NID2: variants seen among roughly 807,000 people sequenced by gnomAD.
NID2 encodes nidogen-2.
Under a neutral mutation model 145.4 loss-of-function variants are expected in NID2, and 83 were observed. That is an observed-to-expected ratio of 0.57 (90% confidence interval 0.48 to 0.69). The LOEUF (loss-of-function observed/expected upper bound fraction) is 0.69. NID2 is among the 30% of genes least tolerant of loss of function. NID2 has a pLI of 0.00. For synonymous variants in NID2, 739 were observed against 701.3 expected, an observed-to-expected ratio of 1.05 and a Z score of -0.85; for missense variants, 1,807 against 1,765.7, an observed-to-expected ratio of 1.02 and a Z score of -0.42.
rs746211590 is a variant in NID2, at chr14:52,019,104, C to G, written c.2985G>C (p.Gln995His). 7.4e-6 allele frequency: 12 copies of G among 1,613,978 alleles called. No individual in the cohort carries two copies. Among genetic ancestry groups the G allele is most frequent in the Middle Eastern group, 1.6e-4 (1 of 6,084 alleles). ...GAGGCGGGGTGGAGCCAGGTGGAGT[C>G]TGGGTACCAGGAACTTCATGACCAT... is the stretch of plus-strand genomic sequence containing the variant. ...DPDGHEVPGT[Q>H]TPPGSTPPHC... is the part of the protein sequence containing the mutation. The change falls in exon 14 of 22, where the codon CAG (glutamine) becomes CAC (histidine). Residue 995 changes from glutamine (Q) to histidine (H), a missense_variant. Gln to His is a conservative substitution (Grantham distance 24). Transcript: ENST00000216286.
intron 2 of NID2, among the ~76,000 whole-genome samples, chr14:52,062,509 T>C (rs967232585): frequency 1.3e-5 from 2 of 152,196 alleles, no homozygotes; most frequent in Non-Finnish European, 2.9e-5. Context: ...CTCAATAACT[T>C]CAGAGTTATA....
At chr14:52,049,833 G>C (rs1267332705) in intron 5 of NID2, among the ~76,000 whole-genome samples, 2 of 152,152 alleles carry the variant, frequency 1.3e-5, no homozygotes, top group African/African-American at 4.8e-5. Context: ...CTGGTGAAGG[G>C]AGAGGGGCCC....
rs192985653 is a variant in NID2, at chr14:52,059,102, C to T, written c.767+1022G>A. On this transcript the variant is annotated intron_variant, in intron 3 of 21. Coordinates refer to ENST00000216286, the MANE Select transcript of NID2 (RefSeq NM_007361.4). ...GATCATAGGCAATTTACTTAACTTC[C>T]CTAAGCTCCTCTGTAAAACTGGGAA... 6.6e-5 allele frequency among the ~76,000 whole-genome samples: 10 copies of T among 152,276 alleles called. No homozygotes were observed. The East Asian group carries it at 1.7e-3, about 26-fold the overall frequency.
chr14:52,007,598 C>T, intron 19 of NID2: 1 of 554,828 alleles, frequency 1.8e-6, no homozygotes, highest in Non-Finnish European at 3.2e-6. Context: ...GCAGTACAAA[C>T]TTACTGCTTG....
intron 5 of NID2, among the ~76,000 whole-genome samples, chr14:52,044,547 G>A (rs1892415691): frequency 6.6e-6 from 1 of 152,044 alleles, no homozygotes; most frequent in African/African-American, 2.4e-5. Context: ...TGGGATAACA[G>A]GCGTGAGCCA....
intron 9 of NID2, among the ~76,000 whole-genome samples, chr14:52,030,153 T>A (rs1286778983): frequency 6.6e-6 from 1 of 152,172 alleles, no homozygotes; most frequent in East Asian, 1.9e-4. Context: ...TGGTTCTAAA[T>A]CTGTTGATCT....
In NID2 at chr14:52,040,251, A is replaced by ATTT. The variant is rs11423537; in HGVS notation, c.2026+397_2026+399dup. Among the ~76,000 whole-genome samples the ATTT allele has an allele frequency of 6.2e-3, 919 of 147,402 alleles. 10 individuals carry two copies. The highest frequency in any genetic ancestry group is 0.014 in the East Asian group (73 of 5,042). Reference sequence around the variant, plus strand: ...CCATTGCACCTGGCCTCTTTCTGTGATTTTTTTTTTTTTTAAAGCAGCCTG... The same window carrying ATTT: ...CCATTGCACCTGGCCTCTTTCTGTGATTTTTTTTTTTTTTTTTAAAGCAGCCTG... On this transcript the variant is annotated intron_variant, in intron 8 of 21. Transcript: ENST00000216286.
chr14:52,056,335 G>A (rs1892844359), intron 3 of NID2, among the ~76,000 whole-genome samples: 1 of 152,104 alleles, frequency 6.6e-6, no homozygotes, highest in South Asian at 2.1e-4. Flanking sequence ...ATGCATAATG[G>A]AAAAGTAACC....
chr14:52,038,897 T>C lies in NID2; in HGVS notation c.2107A>G (p.Asn703Asp). The C allele has an allele frequency of 6.2e-7, 1 of 1,614,152 alleles. No individual in the cohort carries two copies. The highest frequency in any genetic ancestry group is 8.5e-7 in the Non-Finnish European group (1 of 1,180,030). Residue 703 changes from asparagine (N) to aspartate (D), a missense_variant, in exon 9 of 22, where the codon AAC becomes GAC. Coordinates refer to ENST00000216286, the MANE Select transcript of NID2 (RefSeq NM_007361.4). ...TGCCTGCACACCTGGTAAGTGATGTTCTGGTGGATGCGGTAGGACCATGTT... is the reference window on the plus strand; with the variant it reads ...TGCCTGCACACCTGGTAAGTGATGTCCTGGTGGATGCGGTAGGACCATGTT... ...NQTWSYRIHQ[N>D]ITYQVCRHAP... is the part of the protein sequence containing the mutation.
intron 9 of NID2, among the ~76,000 whole-genome samples, chr14:52,030,208 A>T (rs887089735): frequency 6.6e-6 from 1 of 152,186 alleles, no homozygotes; most frequent in Non-Finnish European, 1.5e-5. Flanking sequence ...AATTAATTTT[A>T]AAAATCTTGT....
rs748510614 is a variant in NID2, at chr14:52,006,679, A to G, written c.3881-19T>C. The stretch of plus-strand genomic sequence containing the variant: ...TTGGTTCCTTTTAAAACAAAGGGGG[A>G]AAATGAGGTCCTTCAGCTGCTTTGC... On this transcript the variant is annotated intron_variant, in intron 19 of 21. Transcript: ENST00000216286. The G allele has an allele frequency of 1.2e-6, 2 of 1,612,124 alleles. No individual in the cohort carries two copies. The highest frequency in any genetic ancestry group is 1.7e-6 in the Non-Finnish European group (2 of 1,178,654).
In NID2 at chr14:52,043,761, A is replaced by G. The variant is rs192321408; in HGVS notation, c.1430-830T>C. Among the ~76,000 whole-genome samples, 216 of 152,280 alleles carry G rather than the reference A, an allele frequency of 1.4e-3. 1 individual carries two copies. Among genetic ancestry groups the G allele is most frequent in the Non-Finnish European group, 1.2e-3 (81 of 68,010 alleles). On this transcript the variant is annotated intron_variant, in intron 5 of 21. Transcript: ENST00000216286. ...GAAACTGGAGCAAATGCCATAGTTC[A>G]TAAAGGAAATAGCCAAGGGGGTAGG...
In NID2 at chr14:52,005,819, A is replaced by C. The variant is rs1890754956; in HGVS notation, c.4035T>G (p.Ser1345Arg). 1 of 1,613,514 alleles carries C rather than the reference A, an allele frequency of 6.2e-7. No individual in the cohort carries two copies. ...RDGVVSVNKHSGQFTDEYLPE... is the reference protein window; with the variant it reads ...RDGVVSVNKHRGQFTDEYLPE... ...GGAGATACTCATCAGTAAACTGGCC[A>C]CTATGTTTATTTACTGATACAACAC... The change falls in exon 21 of 22, where the codon AGT (serine) becomes AGG (arginine). Residue 1345 changes from serine to arginine, a missense_variant. By Grantham distance (110) the Ser-to-Arg change is moderately radical. Transcript: ENST00000216286.
rs372435649 is a variant in NID2, at chr14:52,040,647, A to G, written c.2026+4T>C. 19 of 1,612,956 alleles carry G rather than the reference A, an allele frequency of 1.2e-5. No homozygotes were observed. Among genetic ancestry groups the G allele is most frequent in the Non-Finnish European group, 5.1e-6 (6 of 1,179,084 alleles). On this transcript the variant is annotated splice_donor_region_variant and intron_variant, in intron 8 of 21. Coordinates refer to ENST00000216286, the MANE Select transcript of NID2 (RefSeq NM_007361.4). ...TTACAGATGTGAAGACTGGTTATAC[A>G]TACTGGAGTCGGAGTAGTGGTACAG...
chr14:52,026,840 A>G (rs1234010224), intron 12 of NID2, among the ~76,000 whole-genome samples: 1 of 152,250 alleles, frequency 6.6e-6, no homozygotes, highest in Non-Finnish European at 1.5e-5. Flanking sequence ...TATCACTTAA[A>G]GCAGAAGAGC....
chr14:52,025,859 A>C (rs960978198), intron 12 of NID2, among the ~76,000 whole-genome samples: 25 of 152,358 alleles, frequency 1.6e-4, no homozygotes, highest in African/African-American at 5.8e-4. Flanking sequence ...GTTTTGAAGA[A>C]GACGAATATT....
chr14:52,012,044 A>T (rs535719676), intron 16 of NID2: 425 of 65,418 alleles, frequency 6.5e-3, no homozygotes, highest in African/African-American at 0.023. Flanking sequence ...CTGATGATTT[A>T]AAAAAAAAAA....
At position 52,027,259 on chromosome 14, in the gene NID2, G is replaced by A; in HGVS notation, c.2616C>T (p.Gly872=). The A allele has an allele frequency of 6.3e-7, 1 of 1,593,608 alleles. No homozygotes were observed. The highest frequency in any genetic ancestry group is 1.7e-4 in the Middle Eastern group (1 of 6,012). ...GCAGGCAGGCACAGCTGAACGTGCT[G>A]CCTCCATGGTGAACACACCGGGCCT... ...AGQARCVHHG[G]STFSCACLPG... is the part of the protein sequence containing the mutation. Residue 872 remains glycine (G), a synonymous_variant, in exon 12 of 22, where the codon GGC becomes GGT. Transcript: ENST00000216286.
At chr14:52,049,575 C>CA (rs11316906) in intron 5 of NID2, among the ~76,000 whole-genome samples, 25,339 of 149,198 alleles carry the variant, frequency 0.17, 2,839 homozygotes, top group East Asian at 0.5. Flanking sequence ...ACTGCTACCT[C>CA]AAAAAAAAAA....
Sources: allele counts gnomAD v4.1 joint callset (sites outside exome capture counted in the v4.1 genomes callset), GRCh38; gene constraint gnomAD v4.1.1; transcripts MANE v1.5; gene names NCBI Gene and HGNC (gene_info 2026-07-23, HGNC 2026-07-21).